C1orf50: variants seen among roughly 807,000 people sequenced by gnomAD.
C1orf50 encodes the protein chromosome 1 open reading frame 50.
C1orf50 carries 22 observed loss-of-function variants against 23.3 expected under a neutral mutation model. The observed-to-expected ratio is 0.94, with a 90% CI of 0.67 to 1.35. The LOEUF (loss-of-function observed/expected upper bound fraction) is 1.35, where lower values mean the gene tolerates loss of function less well. Among genes scored for constraint, C1orf50 ranks in the 40% most tolerant of loss-of-function variants. C1orf50 has a pLI of 0.00. For synonymous variants in C1orf50, 96 were observed against 102.4 expected (o/e 0.94, Z 0.38); for missense variants, 271 against 249.4 (o/e 1.09, Z -0.58).
At chr1:42,771,948 C>G (rs898751591) in intron 2 of C1orf50, among the ~76,000 whole-genome samples, 2 of 150,370 alleles carry the variant, frequency 1.3e-5, no homozygotes, top group African/African-American at 4.9e-5. Flanking sequence ...GCATTCCAGC[C>G]TCCGTGACAG....
chr1:42,775,538 A>T lies in C1orf50; in HGVS notation c.*144A>T. ...CTGTGTGAATGTAAATGCTGTCATT[A>T]TGACTTTTAATTGGGATGGGAATAA... is the stretch of plus-strand genomic sequence containing the variant. On this transcript the variant is annotated 3_prime_UTR_variant, in exon 5 of 5. Coordinates refer to ENST00000372525, the MANE Select transcript of C1orf50 (RefSeq NM_024097.4). 1.5e-6 allele frequency: 1 copy of T among 648,692 alleles called. No homozygotes were observed. The highest frequency in any genetic ancestry group is 2.5e-6 in the Non-Finnish European group (1 of 397,876). The allele number at this position is 648,692 out of a possible 1,614,324, so 40.2% of individuals were successfully genotyped here. A position where few individuals can be genotyped will look rare whatever the true frequency, so the allele number is the denominator to read the frequency against.
Position 42,775,257 on chromosome 1 carries a change from C to T in C1orf50, c.463C>T (p.Gln155Ter). 2 of 1,609,034 alleles carry T rather than the reference C, an allele frequency of 1.2e-6. No individual in the cohort carries two copies. The highest frequency in any genetic ancestry group is 1.7e-4 in the Middle Eastern group (1 of 6,044). Residue 155 changes from glutamine (Q) to a stop codon, truncating the protein, a stop_gained, in exon 5 of 5, where the codon CAG (glutamine) becomes TAG (stop). Coordinates refer to ENST00000372525, the MANE Select transcript of C1orf50 (RefSeq NM_024097.4). LOFTEE classifies it high-confidence loss of function. ...TGACTTCCTTGGTGCCTACAAACTA[C>T]AGCATGACTTGTCCTGGACTCCGTA... ...PHDFLGAYKL[Q>*]HDLSWTPYED...
At chr1:42,771,753 G>A (rs1175915069) in intron 2 of C1orf50, among the ~76,000 whole-genome samples, 3 of 152,142 alleles carry the variant, frequency 2.0e-5, no homozygotes, top group East Asian at 1.9e-4. Context: ...TGAGGCAGGC[G>A]TATCACTTGA....
At position 42,767,582 on chromosome 1, in the gene C1orf50, G is replaced by A. The variant is rs764232984; in HGVS notation, c.153G>A (p.Gly51=). The A allele has an allele frequency of 1.9e-6, 3 of 1,611,918 alleles. No homozygotes were observed. The highest frequency in any genetic ancestry group is 2.2e-5 in the East Asian group (1 of 44,860). The change falls in exon 2 of 5, where the codon GGG becomes GGA. Residue 51 remains glycine (G), a synonymous_variant. Transcript: ENST00000372525. ...LVSPYHTHRA[G]DPLDLVALAE... The stretch of plus-strand genomic sequence containing the variant: ...GCCCCTACCACACCCACCGGGCCGG[G>A]GACCCCTTAGACCTCGTGGCGCTCG...
At chr1:42,770,915 C>G (rs1653204199) in intron 2 of C1orf50, among the ~76,000 whole-genome samples, 1 of 152,142 alleles carries the variant, frequency 6.6e-6, no homozygotes, top group Non-Finnish European at 1.5e-5. Flanking sequence ...CGGTCCTCTC[C>G]TTTCATTTAG....
intron 2 of C1orf50, among the ~76,000 whole-genome samples, chr1:42,771,744 G>T (rs868446932): frequency 1.3e-5 from 2 of 152,186 alleles, no homozygotes; most frequent in South Asian, 4.1e-4. Context: ...TTGGGAGGCT[G>T]AGGCAGGCGT....
At position 42,767,579 on chromosome 1, in the gene C1orf50, C is replaced by CG. The variant is rs781681724; in HGVS notation, c.154dup (p.Asp52GlyfsTer16). ...TGAGCCCCTACCACACCCACCGGGC[C>CG]GGGGACCCCTTAGACCTCGTGGCGC... On this transcript the variant is annotated frameshift_variant, in exon 2 of 5. Coordinates refer to ENST00000372525, the MANE Select transcript of C1orf50 (RefSeq NM_024097.4). LOFTEE classifies it high-confidence loss of function. 1 of 1,611,890 alleles carries CG rather than the reference C, an allele frequency of 6.2e-7. No individual in the cohort carries two copies. The highest frequency in any genetic ancestry group is 1.3e-5 in the African/African-American group (1 of 75,042).
chr1:42,775,239 C>T lies in C1orf50; in HGVS notation c.445C>T (p.Leu149Phe), dbSNP rs1653310493. 1 of 1,602,626 alleles carries T rather than the reference C, an allele frequency of 6.2e-7. No homozygotes were observed. Among genetic ancestry groups the T allele is most frequent in the African/African-American group, 1.3e-5 (1 of 74,760 alleles). ...GGGGACAAGTTGTCCACATGACTTC[C>T]TTGGTGCCTACAAACTACAGCATGA... is the stretch of plus-strand genomic sequence containing the variant. ...EWGTSCPHDF[L>F]GAYKLQHDLS... is the part of the protein sequence containing the mutation. The change falls in exon 5 of 5, where the codon CTT becomes TTT. Residue 149 changes from leucine (L) to phenylalanine (F), a missense_variant. By Grantham distance (22) the Leu-to-Phe change is conservative. Transcript: ENST00000372525.
chr1:42,767,376 C>A lies in C1orf50; in HGVS notation c.65C>A (p.Ala22Asp), dbSNP rs1418239794. ...CTTGAAAGGCAAGGAGCGCCGCCAGCTGCAGGCCAGGGAGGTATGCGGGGC... is the reference window on the plus strand; with the variant it reads ...CTTGAAAGGCAAGGAGCGCCGCCAGATGCAGGCCAGGGAGGTATGCGGGGC... ...GVLERQGAPP[A>D]AGQGGALVEL... is the part of the protein sequence containing the mutation. The change falls in exon 1 of 5, where the codon GCT becomes GAT. Residue 22 changes from alanine (A) to aspartate (D), a missense_variant. By Grantham distance (126) the Ala-to-Asp change is moderately radical (BLOSUM62 -2). Coordinates refer to ENST00000372525, the MANE Select transcript of C1orf50 (RefSeq NM_024097.4). The A allele has an allele frequency of 6.5e-7, 1 of 1,540,156 alleles. No homozygotes were observed. The highest frequency in any genetic ancestry group is 8.7e-7 in the Non-Finnish European group (1 of 1,147,340).
At chr1:42,775,005 C>CT in intron 4 of C1orf50, 137 bp downstream of exon 4, 3 of 1,158,984 alleles carry the variant, frequency 2.6e-6, no homozygotes, top group Non-Finnish European at 3.6e-6. Flanking sequence ...AGACATGACT[C>CT]TAAAAAATAT....
intron 2 of C1orf50, among the ~76,000 whole-genome samples, chr1:42,769,092 C>G (rs1332100678): frequency 6.6e-6 from 1 of 151,578 alleles, no homozygotes; most frequent in African/African-American, 2.4e-5. Context: ...GGTGAAACCC[C>G]GTCTCTACTA....
chr1:42,774,994 C>A, intron 4 of C1orf50, 126 bp downstream of exon 4: 1 of 1,214,050 alleles, frequency 8.2e-7, no homozygotes, highest in Non-Finnish European at 1.1e-6. Flanking sequence ...GATGTGAGCC[C>A]AGACATGACT....
chr1:42,773,630 T>G lies in C1orf50; in HGVS notation c.263T>G (p.Leu88Trp). The G allele has an allele frequency of 6.2e-7, 1 of 1,612,078 alleles. No individual in the cohort carries two copies. The highest frequency in any genetic ancestry group is 8.5e-7 in the Non-Finnish European group (1 of 1,178,376). ...GTCATAGCTGAGCAAATCCAACATT[T>G]GCAAGAACAAGCCAGGAAGGTAAGG... The part of the protein sequence containing the change: ...LTVIAEQIQH[L>W]QEQARKVLED... The change falls in exon 3 of 5, where the codon TTG becomes TGG. Residue 88 changes from leucine (L) to tryptophan (W), a missense_variant. By Grantham distance (61) the Leu-to-Trp change is moderately conservative (BLOSUM62 -2). Transcript: ENST00000372525.
At chr1:42,774,068 C>T (rs1285111069) in intron 3 of C1orf50, among the ~76,000 whole-genome samples, 1 of 152,040 alleles carries the variant, frequency 6.6e-6, no homozygotes, top group African/African-American at 2.4e-5. Context: ...GGTGATCTGC[C>T]TGCCTCAGCC....
Position 42,767,642 on chromosome 1 carries a change from G to A in C1orf50, c.195+18G>A. On this transcript the variant is annotated intron_variant, in intron 2 of 4. Transcript: ENST00000372525. ...TGCAGAAGGTGAGGAGGCGCGGCCG[G>A]GGCAGCGAATAACCATCTTCGTTCA... is the stretch of plus-strand genomic sequence containing the variant. 2 of 1,592,822 alleles carry A rather than the reference G, an allele frequency of 1.3e-6. No homozygotes were observed. The highest frequency in any genetic ancestry group is 1.7e-6 in the Non-Finnish European group (2 of 1,167,172).
intron 2 of C1orf50, among the ~76,000 whole-genome samples, chr1:42,772,144 AGTGCCTAGTGTG>A: frequency 6.6e-6 from 1 of 152,198 alleles, no homozygotes; most frequent in South Asian, 2.1e-4. Flanking sequence ...CAGTACACCC[AGTGCCTAGTGTG>A]GTGTCTGACA....
rs527855603 is a variant in C1orf50, at chr1:42,776,642, G to A, written c.*1248G>A. ...CTACCTAAGGCCTAGCACAGGATGG[G>A]GCTAGAATCTAACAAACTCACTCCG... On this transcript the variant is annotated 3_prime_UTR_variant, in exon 5 of 5. Transcript: ENST00000372525. 4 of 152,298 alleles carry A rather than the reference G, an allele frequency of 2.6e-5. No individual in the cohort carries two copies. Among genetic ancestry groups the A allele is most frequent in the African/African-American group, 9.6e-5 (4 of 41,550 alleles). The allele number at this position is 152,298 out of a possible 1,614,324, so 9.4% of individuals were successfully genotyped here. A position where few individuals can be genotyped will look rare whatever the true frequency, so the allele number is the denominator to read the frequency against.
chr1:42,767,321 G>T lies in C1orf50; in HGVS notation c.10G>T (p.Ala4Ser). ...AGGATAAGGCGCTGTCATGGAGGAC[G>T]CCGCCGCGCCGGGGCGGACCGAGGG... MED[A>S]AAPGRTEGVL... is the part of the protein sequence containing the mutation. The change falls in exon 1 of 5, where the codon GCC becomes TCC. Residue 4 changes from alanine to serine, a missense_variant. Physicochemically the swap from Ala to Ser is moderately conservative, Grantham distance 99 (BLOSUM62 1). Coordinates refer to ENST00000372525, the MANE Select transcript of C1orf50 (RefSeq NM_024097.4). 1 of 1,514,842 alleles carries T rather than the reference G, an allele frequency of 6.6e-7. No individual in the cohort carries two copies. The highest frequency in any genetic ancestry group is 8.8e-7 in the Non-Finnish European group (1 of 1,136,950). 93.8% of individuals were successfully genotyped at this position (1,514,842 alleles called of 1,614,324 possible).
chr1:42,769,820 G>A lies in C1orf50; in HGVS notation c.195+2196G>A, dbSNP rs1192885982. Reference sequence around the variant, plus strand: ...ATTGTGCCACTTCACTCCAGCCTGGGTGACAAAGTAAGACTCCGTCTCAAA... The same window carrying A: ...ATTGTGCCACTTCACTCCAGCCTGGATGACAAAGTAAGACTCCGTCTCAAA... On this transcript the variant is annotated intron_variant, in intron 2 of 4. Coordinates refer to ENST00000372525, the MANE Select transcript of C1orf50 (RefSeq NM_024097.4). The A allele has an allele frequency of 2.0e-5, 3 of 152,294 alleles. No individual in the cohort carries two copies. The East Asian group carries it at 5.8e-4, about 29-fold the overall frequency. 9.4% of individuals were successfully genotyped at this position (152,294 alleles called of 1,614,324 possible).
Sources: gnomAD v4.1 joint callset for allele counts (sites outside exome capture counted in the v4.1 genomes callset) on GRCh38, gnomAD v4.1.1 for gene constraint, MANE v1.5 for transcripts, NCBI Gene and HGNC (gene_info 2026-07-23, HGNC 2026-07-21) for gene names.